HORMAD2: variants seen among roughly 807,000 people sequenced by gnomAD.
The protein encoded by HORMAD2 is HORMA domain containing 2, also known as HORMA domain-containing protein 2.
A neutral mutation model predicts 38.8 loss-of-function variants in HORMAD2; 45 were observed. The observed-to-expected ratio is 1.16, with a 90% confidence interval of 0.91 to 1.49. HORMAD2 has a LOEUF of 1.49. Among genes scored for constraint, HORMAD2 ranks in the 40% most tolerant of loss-of-function variants. HORMAD2 has a pLI of 0.00. For synonymous variants in HORMAD2, 126 were observed against 122.8 expected (o/e 1.03, Z -0.17); for missense variants, 338 against 367.0 (o/e 0.92, Z 0.65).
chr22:30,119,127 C>T lies in HORMAD2; in HGVS notation c.410+80C>T, dbSNP rs1249922717. The T allele has an allele frequency of 7.7e-6, 7 of 903,832 alleles. No individual in the cohort carries two copies. In the South Asian group the frequency reaches 7.8e-5, roughly 10 times the overall value. 56.0% of individuals were successfully genotyped at this position (903,832 alleles called of 1,614,324 possible). Reference sequence around the variant, plus strand: ...AAGCTTCTTGAGGCCAGAGAAAGGCCTTATACTTCTTTACACATTTCCCCA... The same window carrying T: ...AAGCTTCTTGAGGCCAGAGAAAGGCTTTATACTTCTTTACACATTTCCCCA... On this transcript the variant is annotated intron_variant, in intron 8 of 10. Coordinates refer to ENST00000336726, the MANE Select transcript of HORMAD2 (RefSeq NM_152510.4).
chr22:30,189,322 T>C, the HORMAD2 span, among the ~76,000 whole-genome samples: 1 of 89,614 alleles, frequency 1.1e-5, no homozygotes, highest in Non-Finnish European at 3.0e-5. Context: ...CCAAAGAGAC[T>C]CCTTCAAGGA....
intron 5 of HORMAD2, among the ~76,000 whole-genome samples, chr22:30,111,261 G>C (rs1212241794): frequency 6.6e-6 from 1 of 152,058 alleles, no homozygotes; most frequent in Non-Finnish European, 1.5e-5. Flanking sequence ...CAAGATGGGA[G>C]GATCACTTGA....
At chr22:30,194,730 C>G in the HORMAD2 span, among the ~76,000 whole-genome samples, 1 of 152,082 alleles carries the variant, frequency 6.6e-6, no homozygotes, top group Non-Finnish European at 1.5e-5. Context: ...TGGAGTGTAT[C>G]CTGGAGGCAA....
At chr22:30,160,731 A>C (rs1925392061) in intron 10 of HORMAD2, among the ~76,000 whole-genome samples, 1 of 152,224 alleles carries the variant, frequency 6.6e-6, no homozygotes, top group Admixed American at 6.5e-5. Flanking sequence ...AAATGGAAGC[A>C]ATTAAATAAC....
intron 10 of HORMAD2, among the ~76,000 whole-genome samples, chr22:30,145,173 TG>T (rs1285719433): frequency 6.6e-6 from 1 of 152,238 alleles, no homozygotes. Flanking sequence ...GCTGGAGAGC[TG>T]GTCTGTGGAG....
intron 10 of HORMAD2, among the ~76,000 whole-genome samples, chr22:30,144,675 A>G (rs866664084): frequency 6.6e-6 from 1 of 151,198 alleles, no homozygotes; most frequent in Non-Finnish European, 1.5e-5. Flanking sequence ...CTCTCCCAGC[A>G]TAGAACCACG....
intron 10 of HORMAD2, among the ~76,000 whole-genome samples, chr22:30,130,114 T>C (rs1923172249): frequency 6.6e-6 from 1 of 152,200 alleles, no homozygotes; most frequent in South Asian, 2.1e-4. Context: ...TACACTGCTT[T>C]TCTACCAATG....
intron 7 of HORMAD2, among the ~76,000 whole-genome samples, chr22:30,115,216 T>A (rs2146116356): frequency 6.6e-6 from 1 of 152,236 alleles, no homozygotes; most frequent in East Asian, 1.9e-4. Context: ...AGCCTTGACC[T>A]TCTAGGCCCA....
chr22:30,090,696 AACTT>A (rs2068666029), intron 1 of HORMAD2, among the ~76,000 whole-genome samples: 1 of 152,206 alleles, frequency 6.6e-6, no homozygotes, highest in Admixed American at 6.5e-5. Flanking sequence ...CATCCTTACC[AACTT>A]ACTATTTTCC....
chr22:30,194,370 C>T, the HORMAD2 span, among the ~76,000 whole-genome samples: 2 of 152,100 alleles, frequency 1.3e-5, no homozygotes, highest in African/African-American at 4.8e-5. Flanking sequence ...AGAGATTTCT[C>T]CAGGGTGACA....
intron 10 of HORMAD2, among the ~76,000 whole-genome samples, chr22:30,157,706 A>G (rs1167088010): frequency 2.0e-5 from 3 of 152,132 alleles, no homozygotes; most frequent in Non-Finnish European, 4.4e-5. Flanking sequence ...CCACTGTTGC[A>G]TTTATGGGAA....
At chr22:30,150,158 C>T (rs1174317238) in intron 10 of HORMAD2, among the ~76,000 whole-genome samples, 2 of 152,040 alleles carry the variant, frequency 1.3e-5, no homozygotes, top group African/African-American at 2.4e-5. Flanking sequence ...TTTCTGGGCC[C>T]ACCAGTATTT....
intron 10 of HORMAD2, among the ~76,000 whole-genome samples, chr22:30,151,227 T>C (rs1032550033): frequency 6.6e-6 from 1 of 151,786 alleles, no homozygotes; most frequent in Non-Finnish European, 1.5e-5. Flanking sequence ...TTTCTTTCTG[T>C]TTGTTTGTTT....
chr22:30,149,898 T>C (rs1924645101), intron 10 of HORMAD2, among the ~76,000 whole-genome samples: 1 of 152,256 alleles, frequency 6.6e-6, no homozygotes, highest in Non-Finnish European at 1.5e-5. Flanking sequence ...TCTTCTAGCT[T>C]TCAGTGTTGC....
intron 7 of HORMAD2, among the ~76,000 whole-genome samples, chr22:30,116,370 A>G (rs1922046794): frequency 6.6e-6 from 1 of 152,182 alleles, no homozygotes; most frequent in Admixed American, 6.5e-5. Flanking sequence ...TCTGATTTGT[A>G]TTTTCAAAAA....
chr22:30,088,847 T>G (rs1157238680), intron 1 of HORMAD2, among the ~76,000 whole-genome samples: 1 of 152,002 alleles, frequency 6.6e-6, no homozygotes, highest in Non-Finnish European at 1.5e-5. Flanking sequence ...TGTATTATGG[T>G]TTAATGGGCT....
chr22:30,180,187 G>A (rs1220029339), downstream of HORMAD2, among the ~76,000 whole-genome samples: 2 of 152,128 alleles, frequency 1.3e-5, no homozygotes, highest in African/African-American at 4.8e-5. Flanking sequence ...AGCATGCCCA[G>A]GCTCATTAAA....
At chr22:30,163,127 T>C (rs2146219279) in intron 10 of HORMAD2, among the ~76,000 whole-genome samples, 1 of 152,362 alleles carries the variant, frequency 6.6e-6, no homozygotes, top group Non-Finnish European at 1.5e-5. Context: ...TCATTCTTTT[T>C]AACTGTGGCA....
chr22:30,112,954 C>T (rs1436681810), intron 7 of HORMAD2, among the ~76,000 whole-genome samples: 4 of 151,852 alleles, frequency 2.6e-5, no homozygotes, highest in Non-Finnish European at 4.4e-5. Context: ...TATGGCATAA[C>T]TCTAATTTTC....
Sources: gnomAD v4.1 joint callset for allele counts (sites outside exome capture counted in the v4.1 genomes callset) on GRCh38, gnomAD v4.1.1 for gene constraint, MANE v1.5 for transcripts, NCBI Gene and HGNC (gene_info 2026-07-23, HGNC 2026-07-21) for gene names.